The following EXOC6B variants were observed in gnomAD, a reference collection of about 807,000 sequenced individuals.
The protein encoded by EXOC6B is exocyst complex component 6B.
Under a neutral mutation model 113.5 loss-of-function variants are expected in EXOC6B, and 54 were observed. The ratio of observed to expected loss-of-function variants is 0.48; its 90% CI spans 0.38 to 0.60. The LOEUF (loss-of-function observed/expected upper bound fraction) is 0.60. Among genes scored for constraint, EXOC6B ranks in the 20% least tolerant of loss-of-function variants. The pLI, the probability that EXOC6B is intolerant of heterozygous loss-of-function variation, is 0.00. For synonymous variants in EXOC6B, 357 were observed against 339.0 expected (o/e 1.05, Z -0.58); for missense variants, 797 against 977.5 (o/e 0.82, Z 2.46).
chr2:72,345,736 T>C (rs1327940063), intron 19 of EXOC6B, among the ~76,000 whole-genome samples: 1 of 152,286 alleles, frequency 6.6e-6, no homozygotes, highest in East Asian at 1.9e-4. Context: ...CTATTCTCTA[T>C]AAAATTACAA....
At chr2:72,435,334 T>C (rs1029095201) in intron 18 of EXOC6B, among the ~76,000 whole-genome samples, 1 of 152,158 alleles carries the variant, frequency 6.6e-6, no homozygotes, top group Non-Finnish European at 1.5e-5. Flanking sequence ...AAATGTATGG[T>C]CAATTTTGAG....
At chr2:72,187,877 CT>C (rs1360213137) in intron 20 of EXOC6B, among the ~76,000 whole-genome samples, 1 of 152,220 alleles carries the variant, frequency 6.6e-6, no homozygotes, top group African/African-American at 2.4e-5. Flanking sequence ...TTCATGGCAC[CT>C]GGGGTTGGCC....
rs144756900 is a variant in EXOC6B, at chr2:72,771,707, G to C, written c.114-30238C>G. ...AATTACTGAGAGCCTGGATGTGGTA[G>C]CTCACATCTGTAATCTCAACATTTT... On this transcript the variant is annotated intron_variant, in intron 1 of 21. Transcript: ENST00000272427. 5.6e-3 allele frequency among the ~76,000 whole-genome samples: 845 copies of C among 152,186 alleles called. 7 individuals are homozygous for C. Among genetic ancestry groups the C allele is most frequent in the African/African-American group, 0.02 (817 of 41,474 alleles).
At chr2:72,754,277 T>C (rs1430400140) in intron 1 of EXOC6B, among the ~76,000 whole-genome samples, 1 of 152,204 alleles carries the variant, frequency 6.6e-6, no homozygotes, top group African/African-American at 2.4e-5. Context: ...TAAGCTTGCA[T>C]ACTCTGGAGG....
intron 18 of EXOC6B, among the ~76,000 whole-genome samples, chr2:72,422,028 C>T (rs933542831): frequency 5.3e-5 from 8 of 152,210 alleles, no homozygotes; most frequent in Non-Finnish European, 1.0e-4. Context: ...ACCGGTGCTG[C>T]GCTCGATTTC....
intron 20 of EXOC6B, among the ~76,000 whole-genome samples, chr2:72,200,098 T>C (rs139731524): frequency 1.1e-3 from 168 of 152,268 alleles, no homozygotes; most frequent in African/African-American, 3.3e-3. Flanking sequence ...GGTTTCACCA[T>C]GTTGGCCAGG....
At chr2:72,392,679 G>C (rs373305607) in intron 18 of EXOC6B, among the ~76,000 whole-genome samples, 16 of 152,322 alleles carry the variant, frequency 1.1e-4, no homozygotes, top group African/African-American at 3.1e-4. Context: ...GTGGTATAGA[G>C]AGACTAGATT....
chr2:72,549,894 T>C (rs1208916506), intron 8 of EXOC6B, among the ~76,000 whole-genome samples: 1 of 152,028 alleles, frequency 6.6e-6, no homozygotes, highest in Non-Finnish European at 1.5e-5. Flanking sequence ...AAAAACATAC[T>C]GTAAAAGAAG....
In EXOC6B at chr2:72,638,145, G is replaced by C. The variant is rs537418610; in HGVS notation, c.670-62477C>G. On this transcript the variant is annotated intron_variant, in intron 6 of 21. Transcript: ENST00000272427. ...GAAAAACAGAGAGAAGGTCCAAACA[G>C]ATAAAATCAGAGAAGAAAAAGGAGA... Among the ~76,000 whole-genome samples the C allele has an allele frequency of 4.6e-5, 7 of 152,200 alleles. No homozygotes were observed. In the South Asian group the frequency reaches 1.2e-3, roughly 27 times the overall value.
chr2:72,326,079 G>A (rs145349571), intron 20 of EXOC6B, among the ~76,000 whole-genome samples: 1,857 of 152,180 alleles, frequency 0.012, 16 homozygotes, highest in Non-Finnish European at 0.021. Flanking sequence ...TGGGTTCCAA[G>A]GCTTTTCCTT....
chr2:72,523,978 G>A (rs946375749), intron 8 of EXOC6B, among the ~76,000 whole-genome samples: 2 of 151,532 alleles, frequency 1.3e-5, no homozygotes, highest in Non-Finnish European at 2.9e-5. Context: ...AAAGAACAAG[G>A]GAAGGGAAAG....
At chr2:72,237,138 T>C (rs1489991367) in intron 20 of EXOC6B, among the ~76,000 whole-genome samples, 1 of 152,178 alleles carries the variant, frequency 6.6e-6, no homozygotes, top group East Asian at 1.9e-4. Flanking sequence ...CATTGATTCA[T>C]TCACTCAAAA....
At chr2:72,374,061 C>T (rs1359254768) in intron 19 of EXOC6B, among the ~76,000 whole-genome samples, 1 of 151,976 alleles carries the variant, frequency 6.6e-6, no homozygotes, top group Admixed American at 6.6e-5. Context: ...CAGAGTGAGA[C>T]CCTGTCTCAA....
intron 7 of EXOC6B, among the ~76,000 whole-genome samples, chr2:72,570,667 C>T (rs1404322543): frequency 6.6e-6 from 1 of 152,172 alleles, no homozygotes; most frequent in Non-Finnish European, 1.5e-5. Context: ...TGTGACATGT[C>T]ATAAATGTGG....
At chr2:72,474,655 T>C (rs748297071) in intron 17 of EXOC6B, among the ~76,000 whole-genome samples, 1 of 152,246 alleles carries the variant, frequency 6.6e-6, no homozygotes, top group South Asian at 2.1e-4. Context: ...ATTCATATCA[T>C]GCATTGTTTT....
At chr2:72,406,468 G>C (rs1220915431) in intron 18 of EXOC6B, among the ~76,000 whole-genome samples, 9 of 152,130 alleles carry the variant, frequency 5.9e-5, no homozygotes, top group Admixed American at 5.9e-4. Flanking sequence ...GCACTCCTCA[G>C]CAAATGTAAC....
chr2:72,255,087 G>A (rs1390802571), intron 20 of EXOC6B, among the ~76,000 whole-genome samples: 1 of 152,140 alleles, frequency 6.6e-6, no homozygotes, highest in African/African-American at 2.4e-5. Flanking sequence ...ACCTTTTGCT[G>A]AAGAGACTTG....
chr2:72,723,005 T>C (rs1479458612), intron 5 of EXOC6B, among the ~76,000 whole-genome samples: 1 of 152,170 alleles, frequency 6.6e-6, no homozygotes, highest in East Asian at 1.9e-4. Context: ...CTTCCCAGTA[T>C]AGTCACATTT....
chr2:72,777,745 A>G (rs1683790461), intron 1 of EXOC6B, among the ~76,000 whole-genome samples: 1 of 152,106 alleles, frequency 6.6e-6, no homozygotes, highest in Non-Finnish European at 1.5e-5. Context: ...TGCAAAAAAC[A>G]ATACATATCT....
Sources: allele counts gnomAD v4.1 joint callset (sites outside exome capture counted in the v4.1 genomes callset), GRCh38; gene constraint gnomAD v4.1.1; transcripts MANE v1.5; gene names NCBI Gene and HGNC (gene_info 2026-07-23, HGNC 2026-07-21).